GFI1B: variants seen among roughly 807,000 people sequenced by gnomAD.
The protein encoded by GFI1B is zinc finger protein Gfi-1b.
Under a neutral mutation model 35.3 loss-of-function variants are expected in GFI1B, and 20 were observed. The observed-to-expected ratio is 0.57, with a 90% CI of 0.40 to 0.82. GFI1B has a LOEUF of 0.82. GFI1B is among the 40% of genes least tolerant of loss of function. The probability of loss-of-function intolerance (pLI) is 0.00; values close to 1 mark genes in which losing one functional copy is unlikely to be tolerated. For missense variants in GFI1B, 430 were observed against 446.3 expected (o/e 0.96, Z 0.33); for synonymous variants, 178 against 177.6 (o/e 1.00, Z -0.02).
intron 1 of GFI1B, among the ~76,000 whole-genome samples, chr9:132,967,173 T>C (rs1330145778): frequency 1.3e-5 from 2 of 152,174 alleles, no homozygotes; most frequent in Non-Finnish European, 2.9e-5. Flanking sequence ...TCTGCCTTTC[T>C]CCATGGAGTA....
At chr9:132,949,529 A>G (rs1207597010) in intron 1 of GFI1B, among the ~76,000 whole-genome samples, 1 of 152,072 alleles carries the variant, frequency 6.6e-6, no homozygotes, top group Non-Finnish European at 1.5e-5. Flanking sequence ...AAACTGCTGT[A>G]CTCCAGGAGA....
intron 2 of GFI1B, among the ~76,000 whole-genome samples, chr9:132,973,163 C>A (rs2132612195): frequency 6.6e-6 from 1 of 152,372 alleles, no homozygotes; most frequent in African/African-American, 2.4e-5. Context: ...AGCTCATGAC[C>A]GTCACATTCT....
intron 1 of GFI1B, chr9:132,953,103 T>G (rs1848227273): frequency 6.6e-6 from 1 of 152,220 alleles, no homozygotes; most frequent in Admixed American, 6.5e-5. Flanking sequence ...TGGGCTTAAG[T>G]TTACCTTCTT....
At position 132,989,801 on chromosome 9, in the gene GFI1B, C is replaced by T. The variant is rs1849222695; in HGVS notation, c.708C>T (p.Ser236=). 6.2e-7 allele frequency: 1 copy of T among 1,613,966 alleles called. No individual in the cohort carries two copies. Among genetic ancestry groups the T allele is most frequent in the Non-Finnish European group, 8.5e-7 (1 of 1,179,782 alleles). The change falls in exon 6 of 7, where the codon TCC becomes TCT. Residue 236 remains serine, a synonymous_variant. Transcript: ENST00000372122. The surrounding 1 kb of genome is among the most constrained non-coding windows in gnomAD (Gnocchi z 6.2). The stretch of plus-strand genomic sequence containing the variant: ...CCTTCAAGCGCTCGTCCACGCTGTC[C>T]ACCCACCTGCTCATCCACTCAGACA... ...GKAFKRSSTL[S]THLLIHSDTR...
chr9:132,955,332 C>T (rs974778089), intron 1 of GFI1B, among the ~76,000 whole-genome samples: 4 of 152,058 alleles, frequency 2.6e-5, no homozygotes, highest in Non-Finnish European at 5.9e-5. Flanking sequence ...CTCTGTCACC[C>T]GGGATGGAGT....
At chr9:132,958,102 G>A (rs1157762851) in intron 1 of GFI1B, among the ~76,000 whole-genome samples, 1 of 152,110 alleles carries the variant, frequency 6.6e-6, no homozygotes, top group Non-Finnish European at 1.5e-5. Context: ...TGAGCTCAGT[G>A]AGGAGCCTTG....
chr9:132,961,725 G>A (rs1848368472), intron 1 of GFI1B, among the ~76,000 whole-genome samples: 1 of 151,832 alleles, frequency 6.6e-6, no homozygotes, highest in African/African-American at 2.4e-5. Context: ...CCCAGTAGCT[G>A]GGACTACAGG....
intron 1 of GFI1B, among the ~76,000 whole-genome samples, chr9:132,961,334 A>G (rs527357003): frequency 6.6e-6 from 1 of 152,066 alleles, no homozygotes; most frequent in East Asian, 1.9e-4. Flanking sequence ...CGGAGAGAAA[A>G]CTTTTGCAAC....
At chr9:132,959,986 C>T (rs904676372) in intron 1 of GFI1B, among the ~76,000 whole-genome samples, 1 of 152,204 alleles carries the variant, frequency 6.6e-6, no homozygotes, top group Non-Finnish European at 1.5e-5. Context: ...TCCAGGTAGA[C>T]ATGAATTGGG....
chr9:132,945,832 G>A (rs1451631975), intron 1 of GFI1B: 1 of 153,374 alleles, frequency 6.5e-6, no homozygotes, highest in African/African-American at 2.4e-5. Flanking sequence ...AACCAAAGGA[G>A]CAAGAGCCTA....
Position 132,989,767 on chromosome 9 carries a change from G to A in GFI1B, c.674G>A (p.Cys225Tyr). ...GAGCGCAGCTTCGAGTGCCGCATGT[G>A]CGGCAAGGCCTTCAAGCGCTCGTCC... Reference protein sequence around the residue: ...SQERSFECRMCGKAFKRSSTL... With the variant: ...SQERSFECRMYGKAFKRSSTL... Residue 225 changes from cysteine (C) to tyrosine (Y), a missense_variant, in exon 6 of 7, where the codon TGC becomes TAC. Transcript: ENST00000372122. This position sits in a 1 kb window ranked among gnomAD's most constrained non-coding sequence, Gnocchi z 6.2. The A allele has an allele frequency of 6.2e-7, 1 of 1,614,126 alleles. No homozygotes were observed. The highest frequency in any genetic ancestry group is 8.5e-7 in the Non-Finnish European group (1 of 1,179,968).
intron 1 of GFI1B, among the ~76,000 whole-genome samples, chr9:132,984,893 G>A (rs1848980892): frequency 6.6e-6 from 1 of 152,166 alleles, no homozygotes; most frequent in Non-Finnish European, 1.5e-5. Context: ...TGGGGAAGGG[G>A]TGAGTCCCTG....
chr9:132,963,074 T>C (rs1588412868), intron 1 of GFI1B, among the ~76,000 whole-genome samples: 2 of 100,964 alleles, frequency 2.0e-5, no homozygotes, highest in African/African-American at 3.9e-5. Flanking sequence ...AGAGTGAGAC[T>C]CCATCTCAAA....
upstream of GFI1B, chr9:132,975,273 T>C (rs763808194): frequency 5.2e-5 from 8 of 152,386 alleles, no homozygotes; most frequent in South Asian, 2.1e-4. Context: ...TTTTTCTTTC[T>C]CTAGGCTCAG....
intron 1 of GFI1B, chr9:132,952,888 A>G (rs920337577): frequency 2.0e-5 from 3 of 152,230 alleles, no homozygotes; most frequent in Non-Finnish European, 4.4e-5. Context: ...TTAGCCTATC[A>G]ATGTGGTGAA....
At chr9:132,955,790 ATGTG>A (rs907980157) in intron 1 of GFI1B, among the ~76,000 whole-genome samples, 1 of 141,656 alleles carries the variant, frequency 7.1e-6, no homozygotes, top group African/African-American at 2.6e-5. Context: ...AACCAACGTG[ATGTG>A]TGTGTGTGTG....
At chr9:132,957,965 C>T (rs1848307343) in intron 1 of GFI1B, among the ~76,000 whole-genome samples, 1 of 152,150 alleles carries the variant, frequency 6.6e-6, no homozygotes. Context: ...TGTAATTTTA[C>T]AGGTAAGGGA....
chr9:132,971,333 T>TC (rs529082230), intron 1 of GFI1B, among the ~76,000 whole-genome samples: 6 of 151,912 alleles, frequency 3.9e-5, no homozygotes, highest in East Asian at 3.9e-4. Context: ...GTTCCCTGTG[T>TC]CCCCCCCACA....
At position 132,991,314 on chromosome 9, in the gene GFI1B, C is replaced by A. The variant is rs1215650612; in HGVS notation, c.*264C>A. 1.9e-6 allele frequency: 1 copy of A among 528,672 alleles called. No homozygotes were observed. The highest frequency in any genetic ancestry group is 3.4e-6 in the Non-Finnish European group (1 of 290,828). 32.7% of individuals were successfully genotyped at this position (528,672 alleles called of 1,614,324 possible). ...GTTTCCAGGTGTGCTCAAGTGCCTTCCTCTAGCAGAGCACAGAAAGCTAGA... is the reference window on the plus strand; with the variant it reads ...GTTTCCAGGTGTGCTCAAGTGCCTTACTCTAGCAGAGCACAGAAAGCTAGA... On this transcript the variant is annotated 3_prime_UTR_variant, in exon 7 of 7. Coordinates refer to ENST00000372122, the MANE Select transcript of GFI1B (RefSeq NM_001377304.1).
Sources: gnomAD v4.1 joint callset for allele counts (sites outside exome capture counted in the v4.1 genomes callset) on GRCh38, gnomAD v4.1.1 for gene constraint, Gnocchi (gnomAD v3.1) non-coding constraint, MANE v1.5 for transcripts, NCBI Gene and HGNC (gene_info 2026-07-23, HGNC 2026-07-21) for gene names.